The following XPO1 variants were observed in gnomAD, a reference collection of about 807,000 sequenced individuals.
XPO1 encodes exportin 1.
A neutral mutation model predicts 133.3 loss-of-function variants in XPO1; 5 were observed. That is an observed-to-expected ratio of 0.04 (90% CI 0.02 to 0.08). The LOEUF (loss-of-function observed/expected upper bound fraction) is 0.08. Among genes scored for constraint, XPO1 ranks in the 10% least tolerant of loss-of-function variants. XPO1 has a pLI of 1.00. For missense variants in XPO1, 506 were observed against 1,267.5 expected (o/e 0.40, Z 9.12); for synonymous variants, 419 against 408.2 (o/e 1.03, Z -0.32).
At chr2:61,518,279 G>T (rs369008928) in intron 4 of XPO1, among the ~76,000 whole-genome samples, 1 of 151,320 alleles carries the variant, frequency 6.6e-6, no homozygotes, top group Non-Finnish European at 1.5e-5. Flanking sequence ...AAAGCCAGGC[G>T]CGGTGGTTCG....
At chr2:61,530,541 C>T (rs1699103355) in intron 2 of XPO1, among the ~76,000 whole-genome samples, 1 of 152,116 alleles carries the variant, frequency 6.6e-6, no homozygotes, top group African/African-American at 2.4e-5. Flanking sequence ...ACTCTTCCCG[C>T]ATCTTTTTTC....
At chr2:61,484,297 A>G (rs1482423874) in intron 20 of XPO1, 192 bp from the exon 21 acceptor site, 1 of 529,210 alleles carries the variant, frequency 1.9e-6, no homozygotes, top group African/African-American at 1.9e-5. Context: ...CTGTCCCGTT[A>G]CGCACATGAG....
chr2:61,522,577 A>C, intron 4 of XPO1, 34 bp downstream of exon 4: 1 of 1,588,006 alleles, frequency 6.3e-7, no homozygotes, highest in Non-Finnish European at 8.6e-7. Flanking sequence ...CAGGAAAAAC[A>C]AAACTCTGAA....
At chr2:61,513,997 A>C (rs1698226650) in intron 4 of XPO1, among the ~76,000 whole-genome samples, 1 of 152,004 alleles carries the variant, frequency 6.6e-6, no homozygotes, top group Non-Finnish European at 1.5e-5. Context: ...AGCGTGGCTA[A>C]CATGGTGAAA....
chr2:61,488,463 T>A, intron 18 of XPO1, 125 bp downstream of exon 18: 1 of 1,179,120 alleles, frequency 8.5e-7, no homozygotes, highest in Non-Finnish European at 1.2e-6. Flanking sequence ...TAAATATGTC[T>A]AGGGTCATTT....
At chr2:61,532,363 G>A (rs1470851007) in intron 2 of XPO1, among the ~76,000 whole-genome samples, 2 of 151,788 alleles carry the variant, frequency 1.3e-5, no homozygotes, top group Non-Finnish European at 1.5e-5. Context: ...TCCTGACCTC[G>A]TCATCCGCCG....
chr2:61,508,379 A>C (rs989203817), intron 4 of XPO1, among the ~76,000 whole-genome samples: 1 of 152,250 alleles, frequency 6.6e-6, no homozygotes, highest in African/African-American at 2.4e-5. Context: ...TGCAAGGGTT[A>C]ATGCATACAT....
At chr2:61,525,584 T>A in intron 3 of XPO1, 1 of 1,016,628 alleles carries the variant, frequency 9.8e-7, no homozygotes, top group Non-Finnish European at 1.2e-6. Context: ...ACTTAAACAT[T>A]AGTAATGTCT....
intron 4 of XPO1, 131 bp downstream of exon 4, chr2:61,522,480 A>G (rs1698742230): frequency 1.3e-6 from 1 of 743,048 alleles, no homozygotes; most frequent in South Asian, 1.8e-5. Context: ...TGTTTGCTTC[A>G]TGATAAAAGC....
chr2:61,526,414 G>A lies in XPO1; in HGVS notation c.228+6C>T, dbSNP rs1470829004. On this transcript the variant is annotated splice_donor_region_variant and intron_variant, in intron 3 of 24. Transcript: ENST00000401558. ...ATAACAGATTTTAAAACCACCACTT[G>A]CTTACTTTCGTATTCATATTCTGAG... 1.2e-6 allele frequency: 2 copies of A among 1,602,896 alleles called. No individual in the cohort carries two copies. Among genetic ancestry groups the A allele is most frequent in the Non-Finnish European group, 8.5e-7 (1 of 1,177,072 alleles).
At chr2:61,497,805 ATTAAAATAT>A (rs1222541676) in intron 9 of XPO1, among the ~76,000 whole-genome samples, 1 of 152,258 alleles carries the variant, frequency 6.6e-6, no homozygotes. Flanking sequence ...GTGATTAAAC[ATTAAAATAT>A]TTAAATAAAT....
chr2:61,519,988 A>G (rs13413337), intron 4 of XPO1, among the ~76,000 whole-genome samples: 88,827 of 151,930 alleles, frequency 0.58, 26,154 homozygotes, highest in Middle Eastern at 0.69. Context: ...TTCCTCTTTT[A>G]CATGTGTTTT....
Position 61,478,943 on chromosome 2 carries a change from A to C in XPO1, c.3093T>G (p.Ser1031=). ...TTTCTCTCTCTTCCAAAAACAAATC[A>C]GAAGTGTCTTCACCTGCAAATTCCT... ...QIKEFAGEDT[S]DLFLEEREIA... Residue 1031 remains serine, a synonymous_variant, in exon 25 of 25, where the codon TCT becomes TCG. Transcript: ENST00000401558. The C allele has an allele frequency of 6.2e-7, 1 of 1,613,918 alleles. No homozygotes were observed. The highest frequency in any genetic ancestry group is 8.5e-7 in the Non-Finnish European group (1 of 1,179,950).
chr2:61,492,256 A>G lies in XPO1; in HGVS notation c.1724-58T>C. 12 of 1,591,022 alleles carry G rather than the reference A, an allele frequency of 7.5e-6. No homozygotes were observed. In the South Asian group the frequency reaches 1.4e-4, roughly 18 times the overall value. ...CTGGACTCCATCATGGGTCTCTAAC[A>G]AGACAAAAACATTCATTTATTTTCT... On this transcript the variant is annotated intron_variant, in intron 15 of 24. Coordinates refer to ENST00000401558, the MANE Select transcript of XPO1 (RefSeq NM_003400.4). This position sits in a 1 kb window ranked among gnomAD's most constrained non-coding sequence, Gnocchi z 5.6.
chr2:61,525,641 CTGTTA>C, intron 3 of XPO1: 1 of 1,022,774 alleles, frequency 9.8e-7, no homozygotes. Flanking sequence ...CAGGCAAACA[CTGTTA>C]TGTTACTTAA....
At chr2:61,518,167 C>G (rs1698489865) in intron 4 of XPO1, among the ~76,000 whole-genome samples, 1 of 151,490 alleles carries the variant, frequency 6.6e-6, no homozygotes, top group Non-Finnish European at 1.5e-5. Context: ...GCAAGAGGAT[C>G]ACTGGAGCCC....
intron 4 of XPO1, among the ~76,000 whole-genome samples, chr2:61,509,581 A>G (rs898174227): frequency 1.3e-5 from 2 of 151,944 alleles, no homozygotes; most frequent in Admixed American, 1.3e-4. Flanking sequence ...AGTCGAGATC[A>G]TGCCGTCGCA....
At chr2:61,509,607 C>CT (rs1393656625) in intron 4 of XPO1, among the ~76,000 whole-genome samples, 1 of 151,450 alleles carries the variant, frequency 6.6e-6, no homozygotes, top group Non-Finnish European at 1.5e-5. Flanking sequence ...GCCTGGGCAA[C>CT]AAGAGCGAAA....
chr2:61,487,635 C>A (rs570012595), intron 19 of XPO1, among the ~76,000 whole-genome samples: 1 of 151,856 alleles, frequency 6.6e-6, no homozygotes, highest in Non-Finnish European at 1.5e-5. Flanking sequence ...AAGAATGAAA[C>A]GATACAGTTA....
Sources: gnomAD v4.1 joint callset for allele counts (sites outside exome capture counted in the v4.1 genomes callset) on GRCh38, gnomAD v4.1.1 for gene constraint, Gnocchi (gnomAD v3.1) non-coding constraint, MANE v1.5 for transcripts, NCBI Gene and HGNC (gene_info 2026-07-23, HGNC 2026-07-21) for gene names.